The following CBLC variants were observed in gnomAD, a reference collection of about 807,000 sequenced individuals.
CBLC encodes Cbl proto-oncogene C, also known as E3 ubiquitin-protein ligase CBL-C.
CBLC carries 46 observed loss-of-function variants against 58.6 expected under a neutral mutation model. That is an observed-to-expected ratio of 0.79 (90% CI 0.62 to 1.00). The LOEUF is 1.00. CBLC is among the 50% of genes least tolerant of loss of function. The pLI, the probability that CBLC is intolerant of heterozygous loss-of-function variation, is 0.00. For synonymous variants in CBLC, 271 were observed against 264.2 expected (o/e 1.03, Z -0.25); for missense variants, 655 against 625.8 (o/e 1.05, Z -0.50).
Position 44,777,914 on chromosome 19 carries a change from G to C in CBLC, c.-18G>C, listed in dbSNP as rs1170365510. Reference sequence around the variant, plus strand: ...TATCCCAGCCGCACCGGTCCTTCCCGGCACACGCGAGGCTCCCATGGCTCT... The same window carrying C: ...TATCCCAGCCGCACCGGTCCTTCCCCGCACACGCGAGGCTCCCATGGCTCT... On this transcript the variant is annotated 5_prime_UTR_variant, in exon 1 of 11. Transcript: ENST00000647358. 4 of 1,539,278 alleles carry C rather than the reference G, an allele frequency of 2.6e-6. No individual in the cohort carries two copies. The highest frequency in any genetic ancestry group is 3.5e-6 in the Non-Finnish European group (4 of 1,150,364).
At chr19:44,779,077 C>T (rs1193841814) in intron 1 of CBLC, among the ~76,000 whole-genome samples, 2 of 152,332 alleles carry the variant, frequency 1.3e-5, no homozygotes, top group Admixed American at 6.5e-5. Flanking sequence ...TCAGGGACCC[C>T]ATGGGGTTTC....
At chr19:44,789,442 TG>T (rs1282503762) in intron 5 of CBLC, among the ~76,000 whole-genome samples, 1 of 151,980 alleles carries the variant, frequency 6.6e-6, no homozygotes, top group East Asian at 1.9e-4. Flanking sequence ...CTCACTCTGT[TG>T]CCCAGGCTGC....
In CBLC at chr19:44,777,905, G is replaced by A; in HGVS notation, c.-27G>A. On this transcript the variant is annotated 5_prime_UTR_variant, in exon 1 of 11. Coordinates refer to ENST00000647358, the MANE Select transcript of CBLC (RefSeq NM_012116.4). ...GGCCGCCCCTATCCCAGCCGCACCG[G>A]TCCTTCCCGGCACACGCGAGGCTCC... The A allele has an allele frequency of 6.6e-7, 1 of 1,521,402 alleles. No individual in the cohort carries two copies. Among genetic ancestry groups the A allele is most frequent in the Non-Finnish European group, 8.8e-7 (1 of 1,142,544 alleles). 94.2% of individuals were successfully genotyped at this position (1,521,402 alleles called of 1,614,324 possible).
intron 9 of CBLC, 99 bp downstream of exon 9, chr19:44,794,380 A>T: frequency 9.4e-7 from 1 of 1,066,916 alleles, no homozygotes; most frequent in Non-Finnish European, 1.4e-6. Flanking sequence ...GCAGGGACTC[A>T]TCCTTGGCAC....
Position 44,800,616 on chromosome 19 carries a change from C to T in CBLC, c.*73C>T. 1.8e-6 allele frequency: 1 copy of T among 562,646 alleles called. No individual in the cohort carries two copies. Among genetic ancestry groups the T allele is most frequent in the Non-Finnish European group, 3.2e-6 (1 of 313,654 alleles). 34.9% of individuals were successfully genotyped at this position (562,646 alleles called of 1,614,324 possible). ...AAGGGGGTTGTGAAACCGAAATAAA[C>T]TGCCAAGCCTGGTCTGTCCTCCAGG... On this transcript the variant is annotated 3_prime_UTR_variant, in exon 11 of 11. Transcript: ENST00000647358.
At chr19:44,781,674 C>T in intron 3 of CBLC, among the ~76,000 whole-genome samples, 1 of 97,692 alleles carries the variant, frequency 1.0e-5, no homozygotes, top group South Asian at 3.8e-4. Flanking sequence ...GGGAGGAAGG[C>T]CTGGGGCCTG....
intron 5 of CBLC, among the ~76,000 whole-genome samples, chr19:44,785,990 G>A (rs999674045): frequency 2.0e-5 from 3 of 151,940 alleles, no homozygotes; most frequent in South Asian, 2.1e-4. Flanking sequence ...GGGGTGGGGT[G>A]TGGCTCACCA....
intron 9 of CBLC, among the ~76,000 whole-genome samples, chr19:44,797,333 C>G (rs1436542055): frequency 3.3e-5 from 5 of 151,988 alleles, no homozygotes; most frequent in African/African-American, 1.2e-4. Flanking sequence ...CCATTGCAAC[C>G]TCCGCCTGCC....
Position 44,784,296 on chromosome 19 carries a change from G to A in CBLC, c.812G>A (p.Gly271Glu), listed in dbSNP as rs995111410. ...YIFRPSCTRL[G>E]QWAIGYVSSD... Reference sequence around the variant, plus strand: ...TTCCGGCCCAGCTGTACTCGCCTGGGGCAGTGGGCCATCGGCTATGTGAGC... The same window carrying A: ...TTCCGGCCCAGCTGTACTCGCCTGGAGCAGTGGGCCATCGGCTATGTGAGC... Residue 271 changes from glycine to glutamate, a missense_variant, in exon 5 of 11, where the codon GGG becomes GAG. This residue lies in a region of CBLC where 371 missense variants were observed against 370.8 expected (regional missense o/e 1.00). Coordinates refer to ENST00000647358, the MANE Select transcript of CBLC (RefSeq NM_012116.4). The A allele has an allele frequency of 4.4e-6, 7 of 1,592,536 alleles. No homozygotes were observed. Among genetic ancestry groups the A allele is most frequent in the African/African-American group, 1.3e-5 (1 of 74,602 alleles).
At chr19:44,794,043 C>A in intron 8 of CBLC, 161 bp from the exon 9 acceptor site, 1 of 847,678 alleles carries the variant, frequency 1.2e-6, no homozygotes, top group African/African-American at 1.9e-5. Context: ...CTGTGGCTTT[C>A]CCTGGCTGTA....
intron 5 of CBLC, among the ~76,000 whole-genome samples, chr19:44,785,468 A>G (rs1268721677): frequency 1.3e-5 from 2 of 151,896 alleles, no homozygotes; most frequent in African/African-American, 2.4e-5. Context: ...AGTCATATCT[A>G]TATGACTACT....
intron 4 of CBLC, 43 bp downstream of exon 4, chr19:44,782,534 G>A (rs916844484): frequency 1.3e-6 from 2 of 1,553,374 alleles, no homozygotes. Context: ...GCAGGGCTCA[G>A]GGATCTGGGC....
At position 44,799,635 on chromosome 19, in the gene CBLC, G is replaced by A. The variant is rs142527337; in HGVS notation, c.1363-746G>A. 6.6e-3 allele frequency among the ~76,000 whole-genome samples: 997 copies of A among 151,632 alleles called. 12 individuals are homozygous for A. Among genetic ancestry groups the A allele is most frequent in the African/African-American group, 0.023 (952 of 41,232 alleles). Reference sequence around the variant, plus strand: ...GTGTGAGCCACCGCGCGTGGCCCCTGTTTTTTCGGTTTGTTGTTGTTGTTG... The same window carrying A: ...GTGTGAGCCACCGCGCGTGGCCCCTATTTTTTCGGTTTGTTGTTGTTGTTG... On this transcript the variant is annotated intron_variant, in intron 9 of 10. Transcript: ENST00000647358.
rs923186221 is a variant in CBLC at position 44,800,586 on chromosome 19, G to A, written c.*43G>A. The A allele has an allele frequency of 1.7e-5, 10 of 585,092 alleles. No individual in the cohort carries two copies. The highest frequency in any genetic ancestry group is 3.1e-5 in the Non-Finnish European group (10 of 327,508). 36.2% of individuals were successfully genotyped at this position (585,092 alleles called of 1,614,324 possible). A position where few individuals can be genotyped will look rare whatever the true frequency, so the allele number is the denominator to read the frequency against. ...TGTGCTGCTCAAGGGAGCCCCAAGG[G>A]CTGGAAGGGGGTTGTGAAACCGAAA... On this transcript the variant is annotated 3_prime_UTR_variant, in exon 11 of 11. Coordinates refer to ENST00000647358, the MANE Select transcript of CBLC (RefSeq NM_012116.4).
chr19:44,793,389 T>C, intron 7 of CBLC, 85 bp from the exon 8 acceptor site: 2 of 1,409,258 alleles, frequency 1.4e-6, no homozygotes, highest in Admixed American at 5.2e-5. Context: ...CACATCAATC[T>C]TTTGGGCGGG....
chr19:44,786,597 A>G (rs897558114), intron 5 of CBLC, among the ~76,000 whole-genome samples: 2 of 144,216 alleles, frequency 1.4e-5, no homozygotes, highest in Non-Finnish European at 3.0e-5. Flanking sequence ...TCCGTCTCAG[A>G]AAAAAAAAAA....
At chr19:44,796,083 C>T (rs1310221802) in intron 9 of CBLC, among the ~76,000 whole-genome samples, 1 of 151,996 alleles carries the variant, frequency 6.6e-6, no homozygotes, top group African/African-American at 2.4e-5. Context: ...GGCGTGGTGG[C>T]GCACACCTGT....
At chr19:44,791,800 G>A (rs574810204) in intron 6 of CBLC, among the ~76,000 whole-genome samples, 3 of 151,636 alleles carry the variant, frequency 2.0e-5, no homozygotes, top group African/African-American at 4.8e-5. Flanking sequence ...TTGGACTTAG[G>A]AGAGGGTTCA....
At chr19:44,780,705 T>TAA (rs1160839655) in intron 1 of CBLC, among the ~76,000 whole-genome samples, 200 bp from the exon 2 acceptor site, 2 of 152,058 alleles carry the variant, frequency 1.3e-5, no homozygotes, top group African/African-American at 4.8e-5. Flanking sequence ...ACTCCTGACT[T>TAA]CAAGTGATCC....
Sources: gnomAD v4.1 joint callset for allele counts (sites outside exome capture counted in the v4.1 genomes callset) on GRCh38, gnomAD v4.1.1 for gene constraint, gnomAD v4.1.1 regional missense constraint, MANE v1.5 for transcripts, NCBI Gene and HGNC (gene_info 2026-07-23, HGNC 2026-07-21) for gene names.